ARIH1: variants seen among roughly 807,000 people sequenced by gnomAD.
ARIH1 encodes the protein ariadne RBR E3 ubiquitin protein ligase 1.
In ARIH1, 8 loss-of-function variants were observed where a neutral mutation model predicts 85.0. The observed-to-expected ratio is 0.09, with a 90% CI of 0.06 to 0.17. The LOEUF is 0.17. Among genes scored for constraint, ARIH1 ranks in the 10% least tolerant of loss-of-function variants. The pLI is 1.00. For synonymous variants in ARIH1, 238 were observed against 253.6 expected (o/e 0.94, Z 0.59); for missense variants, 311 against 718.1 (o/e 0.43, Z 6.48).
intron 11 of ARIH1, among the ~76,000 whole-genome samples, chr15:72,574,058 GTATT>G (rs1262000168): frequency 2.0e-5 from 3 of 151,988 alleles, no homozygotes; most frequent in Admixed American, 6.6e-5. Context: ...TTAACCTGAT[GTATT>G]TATTTAGCCA....
intron 5 of ARIH1, 91 bp from the exon 6 acceptor site, chr15:72,561,392 T>C: frequency 1.1e-6 from 1 of 884,836 alleles, no homozygotes; most frequent in Non-Finnish European, 1.8e-6. Context: ...CATGTAGCCG[T>C]AGCATAAACA....
chr15:72,523,988 C>A (rs1388089257), intron 2 of ARIH1, among the ~76,000 whole-genome samples: 1 of 142,464 alleles, frequency 7.0e-6, no homozygotes, highest in African/African-American at 2.7e-5. Context: ...GCTCTTTTGC[C>A]CAGGCTGGAG....
In ARIH1 at chr15:72,474,879, CGGCGGCGGCGGCGGCGGTGGTGGT is replaced by C. The variant is rs765117467; in HGVS notation, c.246_269del (p.Gly83_Gly90del). 2 of 1,409,762 alleles carry C rather than the reference CGGCGGCGGCGGCGGCGGTGGTGGT, an allele frequency of 1.4e-6. No homozygotes were observed. Among genetic ancestry groups the C allele is most frequent in the Non-Finnish European group, 1.9e-6 (2 of 1,072,868 alleles). The allele number at this position is 1,409,762 out of a possible 1,614,324, so 87.3% of individuals were successfully genotyped here. On this transcript the variant is annotated inframe_deletion, in exon 1 of 14. Coordinates refer to ENST00000379887, the MANE Select transcript of ARIH1 (RefSeq NM_005744.5). ...GCGCTCTGGGGCCCGGCGGTGGCGG[CGGCGGCGGCGGCGGCGGTGGTGGT>C]GGCGGGCCGGGGCATGAGCAGGAGG...
chr15:72,554,915 G>A (rs1237176750), intron 3 of ARIH1, among the ~76,000 whole-genome samples: 1 of 152,092 alleles, frequency 6.6e-6, no homozygotes, highest in Non-Finnish European at 1.5e-5. Flanking sequence ...CATGATGGCT[G>A]ACTCATTTTG....
chr15:72,539,353 T>C (rs549517307), intron 2 of ARIH1, among the ~76,000 whole-genome samples: 14 of 151,776 alleles, frequency 9.2e-5, no homozygotes, highest in African/African-American at 3.4e-4. Flanking sequence ...TTAGAAGAAA[T>C]CAGCTTTGTC....
chr15:72,510,133 A>G (rs1397658509), intron 1 of ARIH1, among the ~76,000 whole-genome samples: 1 of 152,148 alleles, frequency 6.6e-6, no homozygotes. Flanking sequence ...AGAATTGTAA[A>G]TCAATTTTTA....
chr15:72,501,963 C>G (rs1354387719), intron 1 of ARIH1, among the ~76,000 whole-genome samples: 1 of 152,108 alleles, frequency 6.6e-6, no homozygotes, highest in East Asian at 1.9e-4. Context: ...AATGGAGTTT[C>G]AGGTAACGAT....
rs548957806 is a variant in ARIH1 at position 72,598,371 on chromosome 15, G to A, written c.*15079G>A. On this transcript the variant is annotated 3_prime_UTR_variant, in exon 14 of 14. Transcript: ENST00000379887. ...TGGGAGGTATATTCCTTGTGACTTT[G>A]TTCATATCACTAGTGAATTTCAGAA... 1 of 152,142 alleles carries A rather than the reference G, an allele frequency of 6.6e-6. No individual in the cohort carries two copies. Among genetic ancestry groups the A allele is most frequent in the Admixed American group, 6.6e-5 (1 of 15,264 alleles). The allele number at this position is 152,142 out of a possible 1,614,324, so 9.4% of individuals were successfully genotyped here. A position where few individuals can be genotyped will look rare whatever the true frequency, so the allele number is the denominator to read the frequency against.
intron 1 of ARIH1, among the ~76,000 whole-genome samples, chr15:72,479,289 A>G (rs150844979): frequency 2.6e-4 from 40 of 152,308 alleles, no homozygotes; most frequent in African/African-American, 9.1e-4. Flanking sequence ...AACCTGTACC[A>G]TATTTAGAGT....
chr15:72,493,585 C>G (rs542773993), intron 1 of ARIH1, among the ~76,000 whole-genome samples: 1 of 152,038 alleles, frequency 6.6e-6, no homozygotes, highest in South Asian at 2.1e-4. Flanking sequence ...ATATTTCCTC[C>G]GACTCAGAAT....
In ARIH1 at chr15:72,535,983, A is replaced by G. The variant is rs552340580; in HGVS notation, c.444-8837A>G. ...AGAACATTTGTAAATAAGTTATAAC[A>G]TTTGGATTCTGCCCAATTGTTGAAA... On this transcript the variant is annotated intron_variant, in intron 2 of 13. Coordinates refer to ENST00000379887, the MANE Select transcript of ARIH1 (RefSeq NM_005744.5). 6.1e-4 allele frequency among the ~76,000 whole-genome samples: 93 copies of G among 152,356 alleles called. 1 individual carries two copies. Among genetic ancestry groups the G allele is most frequent in the African/African-American group, 2.1e-3 (87 of 41,580 alleles).
chr15:72,485,970 G>A (rs1051978503), intron 1 of ARIH1, among the ~76,000 whole-genome samples: 1 of 152,170 alleles, frequency 6.6e-6, no homozygotes, highest in African/African-American at 2.4e-5. Flanking sequence ...GGAGATAGTA[G>A]TGGTGGTCCT....
chr15:72,567,255 G>A (rs968498372), intron 9 of ARIH1, 78 bp downstream of exon 9: 4 of 1,103,540 alleles, frequency 3.6e-6, no homozygotes, highest in Non-Finnish European at 4.0e-6. Flanking sequence ...AAGCAATGAG[G>A]TGACCTACTT....
rs2064329231 is a variant in ARIH1 at position 72,588,926 on chromosome 15, C to T, written c.*5634C>T. The T allele has an allele frequency of 6.6e-6, 1 of 152,182 alleles. No individual in the cohort carries two copies. Among genetic ancestry groups the T allele is most frequent in the African/African-American group, 2.4e-5 (1 of 41,442 alleles). 9.4% of individuals were successfully genotyped at this position (152,182 alleles called of 1,614,324 possible). A position where few individuals can be genotyped will look rare whatever the true frequency, so the allele number is the denominator to read the frequency against. ...AAACTGTCATTAAAGCTAGTTGCGTCAAGTCTGCACAATTCCACGAGCACT... is the reference window on the plus strand; with the variant it reads ...AAACTGTCATTAAAGCTAGTTGCGTTAAGTCTGCACAATTCCACGAGCACT... On this transcript the variant is annotated 3_prime_UTR_variant, in exon 14 of 14. Coordinates refer to ENST00000379887, the MANE Select transcript of ARIH1 (RefSeq NM_005744.5).
At chr15:72,475,869 G>C (rs779106883) in intron 1 of ARIH1, among the ~76,000 whole-genome samples, 3 of 152,078 alleles carry the variant, frequency 2.0e-5, no homozygotes, top group Admixed American at 6.5e-5. Flanking sequence ...GGTGTAAGTT[G>C]ATAACCACAT....
rs372828040 is a variant in ARIH1, at chr15:72,553,787, C to T, written c.589-1484C>T. Among the ~76,000 whole-genome samples, 311 of 152,154 alleles carry T rather than the reference C, an allele frequency of 2.0e-3. 3 individuals are homozygous for T. The highest frequency in any genetic ancestry group is 7.2e-3 in the African/African-American group (300 of 41,486). On this transcript the variant is annotated intron_variant, in intron 3 of 13. Coordinates refer to ENST00000379887, the MANE Select transcript of ARIH1 (RefSeq NM_005744.5). ...CAAAAATTAGCTGGGCGTGGTGGTG[C>T]GTTTCTGTAGTCCCAGCTATTTGGG...
intron 3 of ARIH1, among the ~76,000 whole-genome samples, chr15:72,551,496 G>A (rs2064152712): frequency 6.6e-6 from 1 of 152,178 alleles, no homozygotes; most frequent in Admixed American, 6.5e-5. Flanking sequence ...ATATGCATAA[G>A]GAGAATTTAG....
At chr15:72,549,788 C>A (rs1249439168) in intron 3 of ARIH1, among the ~76,000 whole-genome samples, 2 of 152,090 alleles carry the variant, frequency 1.3e-5, no homozygotes, top group Admixed American at 6.5e-5. Context: ...TCTTAAGTTT[C>A]TTTAAGTCCA....
chr15:72,566,644 C>T, intron 8 of ARIH1, 39 bp downstream of exon 8: 3 of 1,549,428 alleles, frequency 1.9e-6, no homozygotes, highest in Non-Finnish European at 2.7e-6. Flanking sequence ...AATAATGGCA[C>T]ACTTCTAAGA....
Sources: allele counts gnomAD v4.1 joint callset (sites outside exome capture counted in the v4.1 genomes callset), GRCh38; gene constraint gnomAD v4.1.1; transcripts MANE v1.5; gene names NCBI Gene and HGNC (gene_info 2026-07-23, HGNC 2026-07-21).